Variants in PTPRD observed in about 807,000 individuals in gnomAD.
The protein encoded by PTPRD is protein tyrosine phosphatase receptor type D.
A neutral mutation model predicts 214.5 loss-of-function variants in PTPRD; 34 were observed. The ratio of observed to expected loss-of-function variants is 0.16; its 90% confidence interval spans 0.12 to 0.21. The LOEUF (loss-of-function observed/expected upper bound fraction) is 0.21, where lower values mean the gene tolerates loss of function less well. Among genes scored for constraint, PTPRD ranks in the 10% least tolerant of loss-of-function variants. PTPRD has a pLI of 1.00. For synonymous variants in PTPRD, 1,128 were observed against 845.7 expected (o/e 1.33, Z -5.79); for missense variants, 2,545 against 2,398.7 (o/e 1.06, Z -1.27).
At chr9:9,797,963 G>A (rs561735752) in intron 5 of PTPRD, among the ~76,000 whole-genome samples, 2 of 152,286 alleles carry the variant, frequency 1.3e-5, no homozygotes, top group South Asian at 4.1e-4. Flanking sequence ...AAGAGTTAAT[G>A]TCTGAATACA....
chr9:9,971,957 A>T (rs2095125794), intron 4 of PTPRD, among the ~76,000 whole-genome samples: 1 of 152,174 alleles, frequency 6.6e-6, no homozygotes, highest in African/African-American at 2.4e-5. Flanking sequence ...TTTAGTGACA[A>T]AATTGATCAA....
At chr9:8,586,880 G>C (rs2093696990) in intron 14 of PTPRD, among the ~76,000 whole-genome samples, 1 of 152,200 alleles carries the variant, frequency 6.6e-6, no homozygotes, top group Non-Finnish European at 1.5e-5. Flanking sequence ...GGGCGCCGTG[G>C]CTCAGGCCTG....
chr9:8,841,209 G>A (rs775617642), intron 11 of PTPRD, among the ~76,000 whole-genome samples: 14 of 152,062 alleles, frequency 9.2e-5, no homozygotes, highest in Non-Finnish European at 1.8e-4. Flanking sequence ...CAATGGAGCT[G>A]GTATACATAA....
intron 7 of PTPRD, among the ~76,000 whole-genome samples, chr9:9,626,738 T>C (rs931342002): frequency 8.5e-5 from 13 of 152,164 alleles, no homozygotes; most frequent in African/African-American, 2.7e-4. Flanking sequence ...TTACCCATTG[T>C]AGAGATAAGA....
intron 3 of PTPRD, among the ~76,000 whole-genome samples, chr9:10,195,598 A>C (rs967643897): frequency 8.5e-5 from 13 of 152,292 alleles, no homozygotes; most frequent in Middle Eastern, 3.4e-3. Context: ...ATCCCAGGTC[A>C]ACTTTAGTAT....
At chr9:10,243,792 C>T (rs2154364323) in intron 3 of PTPRD, among the ~76,000 whole-genome samples, 1 of 152,156 alleles carries the variant, frequency 6.6e-6, no homozygotes, top group South Asian at 2.1e-4. Context: ...GTCATATTTA[C>T]AAGTCATCCA....
intron 11 of PTPRD, among the ~76,000 whole-genome samples, chr9:8,752,841 G>A (rs189658052): frequency 2.6e-5 from 4 of 152,276 alleles, no homozygotes; most frequent in Admixed American, 2.0e-4. Context: ...AGCTCAAACT[G>A]CTGATCCAGA....
chr9:9,150,773 G>C lies in PTPRD; in HGVS notation c.-143+32531C>G, dbSNP rs369142211. On this transcript the variant is annotated intron_variant, in intron 10 of 45. Coordinates refer to ENST00000381196, the MANE Select transcript of PTPRD (RefSeq NM_002839.4). ...ACAGGCATGAGCCAACAACCGGCCTGAAACTATATTTTTATATGAAAACAA... is the reference window on the plus strand; with the variant it reads ...ACAGGCATGAGCCAACAACCGGCCTCAAACTATATTTTTATATGAAAACAA... Among the ~76,000 whole-genome samples the C allele has an allele frequency of 5.1e-4, 78 of 152,200 alleles. 1 individual carries two copies. The highest frequency in any genetic ancestry group is 1.8e-3 in the African/African-American group (76 of 41,542).
At chr9:10,395,061 A>G (rs2098141597) in intron 2 of PTPRD, among the ~76,000 whole-genome samples, 2 of 150,698 alleles carry the variant, frequency 1.3e-5, no homozygotes, top group South Asian at 2.1e-4. Flanking sequence ...ATGCTGAGAA[A>G]TGTCTCTTAG....
At chr9:10,346,151 T>A (rs143593958) in intron 2 of PTPRD, among the ~76,000 whole-genome samples, 3 of 152,226 alleles carry the variant, frequency 2.0e-5, no homozygotes, top group African/African-American at 7.2e-5. Context: ...TCAAAATGCT[T>A]AAGTAAATGT....
intron 25 of PTPRD, among the ~76,000 whole-genome samples, chr9:8,499,104 T>C (rs994452296): frequency 3.9e-5 from 6 of 152,166 alleles, no homozygotes; most frequent in African/African-American, 1.4e-4. Flanking sequence ...TTAATATCAT[T>C]GTAACGATCT....
intron 3 of PTPRD, among the ~76,000 whole-genome samples, chr9:10,166,938 T>C (rs934414250): frequency 6.6e-6 from 1 of 152,120 alleles, no homozygotes; most frequent in African/African-American, 2.4e-5. Flanking sequence ...GTGCAAATTC[T>C]GTAAGACTAT....
At chr9:10,289,067 T>C (rs2095451891) in intron 3 of PTPRD, among the ~76,000 whole-genome samples, 1 of 151,834 alleles carries the variant, frequency 6.6e-6, no homozygotes, top group African/African-American at 2.4e-5. Context: ...TTATATTCTC[T>C]GGAAAACCAA....
intron 5 of PTPRD, among the ~76,000 whole-genome samples, chr9:9,885,131 C>T (rs973908252): frequency 1.3e-5 from 2 of 151,770 alleles, no homozygotes; most frequent in African/African-American, 2.4e-5. Flanking sequence ...AGTAGATTAC[C>T]AGGCAGAGAG....
intron 4 of PTPRD, among the ~76,000 whole-genome samples, chr9:9,985,743 TATC>T (rs1427530460): frequency 1.3e-5 from 2 of 151,922 alleles, no homozygotes; most frequent in African/African-American, 4.8e-5. Context: ...GATAAGATAT[TATC>T]ATTTATAATA....
chr9:8,483,863 T>C lies in PTPRD; in HGVS notation c.3413+256A>G, dbSNP rs574451854. Among the ~76,000 whole-genome samples the C allele has an allele frequency of 3.3e-5, 5 of 152,286 alleles. No homozygotes were observed. The South Asian group carries it at 8.3e-4, about 25-fold the overall frequency. The stretch of plus-strand genomic sequence containing the variant: ...GTAGTAAGAACCATGTTCTATATGT[T>C]TTTCTGTTTCTCCTAAATAACACTG... On this transcript the variant is annotated intron_variant, in intron 30 of 45. Transcript: ENST00000381196.
At chr9:8,444,578 C>A (rs1049862997) in intron 34 of PTPRD, among the ~76,000 whole-genome samples, 13 of 151,864 alleles carry the variant, frequency 8.6e-5, no homozygotes, top group African/African-American at 2.9e-4. Flanking sequence ...AGTAATTTTT[C>A]TTCTCTAAAA....
At chr9:9,125,346 C>G (rs2099828033) in intron 10 of PTPRD, among the ~76,000 whole-genome samples, 1 of 152,176 alleles carries the variant, frequency 6.6e-6, no homozygotes, top group Non-Finnish European at 1.5e-5. Context: ...AACTTGGTGT[C>G]AAGACATACT....
chr9:9,401,163 G>C (rs183038263), intron 8 of PTPRD, among the ~76,000 whole-genome samples: 88 of 152,068 alleles, frequency 5.8e-4, no homozygotes, highest in Non-Finnish European at 1.1e-3. Context: ...AATGCAAATA[G>C]GTACCCATTC....
Sources: gnomAD v4.1 joint callset for allele counts (sites outside exome capture counted in the v4.1 genomes callset) on GRCh38, gnomAD v4.1.1 for gene constraint, MANE v1.5 for transcripts, NCBI Gene and HGNC (gene_info 2026-07-23, HGNC 2026-07-21) for gene names.